The following BRINP2 variants were observed in gnomAD, a reference collection of about 807,000 sequenced individuals.
BRINP2 encodes BMP/retinoic acid-inducible neural-specific protein 2.
A neutral mutation model predicts 69.2 loss-of-function variants in BRINP2; 21 were observed. That is an observed-to-expected ratio of 0.30 (90% CI 0.22 to 0.44). The LOEUF is 0.44. Among genes scored for constraint, BRINP2 ranks in the 20% least tolerant of loss-of-function variants. The probability of loss-of-function intolerance (pLI) is 1.00; values close to 1 mark genes in which losing one functional copy is unlikely to be tolerated. For synonymous variants in BRINP2, 380 were observed against 394.1 expected, an observed-to-expected ratio of 0.96 and a Z score of 0.42; for missense variants, 877 against 986.0, an observed-to-expected ratio of 0.89 and a Z score of 1.48.
At chr1:177,268,660 T>G (rs1651205806) in intron 4 of BRINP2, among the ~76,000 whole-genome samples, 1 of 152,196 alleles carries the variant, frequency 6.6e-6, no homozygotes, top group Non-Finnish European at 1.5e-5. Flanking sequence ...TCACTTTACA[T>G]TGAGGATGTT....
chr1:177,208,912 G>A (rs1310013779), intron 1 of BRINP2, among the ~76,000 whole-genome samples: 1 of 152,180 alleles, frequency 6.6e-6, no homozygotes, highest in Non-Finnish European at 1.5e-5. Flanking sequence ...ACGTGATCAG[G>A]CAAATGTACT....
At chr1:177,195,863 C>CA (rs1302011877) in intron 1 of BRINP2, among the ~76,000 whole-genome samples, 3 of 151,846 alleles carry the variant, frequency 2.0e-5, no homozygotes, top group East Asian at 1.9e-4. Flanking sequence ...AGGCCAAGAG[C>CA]AAAAAAACCT....
chr1:177,219,030 A>G (rs1332005437), intron 1 of BRINP2, among the ~76,000 whole-genome samples: 1 of 152,234 alleles, frequency 6.6e-6, no homozygotes, highest in African/African-American at 2.4e-5. Flanking sequence ...AATCTAAAGG[A>G]AGGAGAGTTA....
In BRINP2 at chr1:177,276,325, C is replaced by A. The variant is rs1412488318; in HGVS notation, c.903C>A (p.Pro301=). ...ATGACTGCTGGTGCAAGTGCAGCCCCACCTTCCCTGAATGCAACTGCCCTG... is the reference window on the plus strand; with the variant it reads ...ATGACTGCTGGTGCAAGTGCAGCCCAACCTTCCCTGAATGCAACTGCCCTG... ...KENDCWCKCS[P]TFPECNCPDA... is the part of the protein sequence containing the mutation. Residue 301 remains proline (P), a synonymous_variant, in exon 6 of 8, where the codon CCC becomes CCA. Transcript: ENST00000361539. 6.2e-7 allele frequency: 1 copy of A among 1,614,206 alleles called. No individual in the cohort carries two copies. Among genetic ancestry groups the A allele is most frequent in the Non-Finnish European group, 8.5e-7 (1 of 1,180,042 alleles).
At chr1:177,198,382 A>G (rs957700297) in intron 1 of BRINP2, among the ~76,000 whole-genome samples, 2 of 152,200 alleles carry the variant, frequency 1.3e-5, no homozygotes, top group African/African-American at 4.8e-5. Flanking sequence ...ACTTATTGCA[A>G]TGAGCATGTG....
chr1:177,212,249 T>C (rs1450810972), intron 1 of BRINP2, among the ~76,000 whole-genome samples: 1 of 152,098 alleles, frequency 6.6e-6, no homozygotes, highest in African/African-American at 2.4e-5. Flanking sequence ...ATTTTTAGGG[T>C]ATTTAAAACA....
chr1:177,195,093 G>GT (rs1648704148), intron 1 of BRINP2, among the ~76,000 whole-genome samples: 1 of 152,064 alleles, frequency 6.6e-6, no homozygotes, highest in African/African-American at 2.4e-5. Context: ...ACAGCCCAGA[G>GT]TTTTTTCTAA....
chr1:177,172,283 G>A (rs1257280819), intron 1 of BRINP2, among the ~76,000 whole-genome samples: 1 of 152,216 alleles, frequency 6.6e-6, no homozygotes, highest in Admixed American at 6.5e-5. Flanking sequence ...TCTCCCCAGG[G>A]TGGTGGCAGA....
chr1:177,257,317 A>C lies in BRINP2; in HGVS notation c.602A>C (p.Tyr201Ser), dbSNP rs1403509294. ...ACCCTGCACCAGCTGGCCGCCTCCT[A>C]CTTCATCGACAGAGAGAGCACGCTG... ...LETLHQLAAS[Y>S]FIDRESTLRR... Residue 201 changes from tyrosine (Y) to serine (S), a missense_variant, in exon 4 of 8, where the codon TAC becomes TCC. Around this residue, in one of 3 missense-constraint regions of BRINP2, gnomAD observed 566 missense variants for 625.2 expected, o/e 0.91. Transcript: ENST00000361539. 6.2e-7 allele frequency: 1 copy of C among 1,614,042 alleles called. No homozygotes were observed. Among genetic ancestry groups the C allele is most frequent in the African/African-American group, 1.3e-5 (1 of 74,988 alleles).
chr1:177,256,212 T>C (rs1332495562), intron 3 of BRINP2, 103 bp downstream of exon 3: 7 of 1,443,182 alleles, frequency 4.9e-6, no homozygotes, highest in African/African-American at 4.3e-5. Flanking sequence ...CTTCCGGGCC[T>C]TTTATTGCCT....
At chr1:177,192,555 G>A (rs1409534391) in intron 1 of BRINP2, among the ~76,000 whole-genome samples, 1 of 152,064 alleles carries the variant, frequency 6.6e-6, no homozygotes, top group Non-Finnish European at 1.5e-5. Flanking sequence ...TTTGTGGGAG[G>A]AAATGAGCCC....
At chr1:177,180,600 C>A (rs1264352159) in intron 1 of BRINP2, among the ~76,000 whole-genome samples, 1 of 152,108 alleles carries the variant, frequency 6.6e-6, no homozygotes, top group African/African-American at 2.4e-5. Context: ...CATCAATAAA[C>A]CCTTACCTAA....
chr1:177,211,056 C>T (rs944271780), intron 1 of BRINP2, among the ~76,000 whole-genome samples: 1 of 150,854 alleles, frequency 6.6e-6, no homozygotes, highest in African/African-American at 2.4e-5. Context: ...TATTGCACCA[C>T]CCTGGATACA....
At chr1:177,203,911 A>C (rs1648993972) in intron 1 of BRINP2, among the ~76,000 whole-genome samples, 1 of 152,198 alleles carries the variant, frequency 6.6e-6, no homozygotes, top group African/African-American at 2.4e-5. Context: ...ACCCTGACAG[A>C]GAGATTCAAG....
At chr1:177,236,911 G>T (rs1650044963) in intron 2 of BRINP2, among the ~76,000 whole-genome samples, 1 of 149,520 alleles carries the variant, frequency 6.7e-6, no homozygotes, top group Non-Finnish European at 1.5e-5. Context: ...TTCTTCCAGG[G>T]TGCAACTAAA....
At position 177,278,797 on chromosome 1, in the gene BRINP2, C is replaced by G. The variant is rs756759919; in HGVS notation, c.1235+12C>G. The G allele has an allele frequency of 1.4e-5, 22 of 1,612,774 alleles. No individual in the cohort carries two copies. The Admixed American group carries it at 3.3e-4, about 24-fold the overall frequency. On this transcript the variant is annotated intron_variant, in intron 7 of 7. Transcript: ENST00000361539. ...CTGCCCAAGGAGAGGTGAGCACCCC[C>G]TGGCTGCTACAGCCAGAGCTCAGCA...
chr1:177,212,273 C>T (rs750178789), intron 1 of BRINP2, among the ~76,000 whole-genome samples: 19 of 152,228 alleles, frequency 1.2e-4, no homozygotes, highest in Middle Eastern at 3.4e-3. Flanking sequence ...AGGCCAGGCG[C>T]GGTGGCTCAC....
rs1232985099 is a variant in BRINP2, at chr1:177,211,709, G to A, written c.-76-18092G>A. On this transcript the variant is annotated intron_variant, in intron 1 of 7. Transcript: ENST00000361539. Reference sequence around the variant, plus strand: ...CAGCTGGCACATGATTTTTATTTGGGTTATTACTGGTGGTATTAACTGACC... The same window carrying A: ...CAGCTGGCACATGATTTTTATTTGGATTATTACTGGTGGTATTAACTGACC... Among the ~76,000 whole-genome samples, 4 of 151,992 alleles carry A rather than the reference G, an allele frequency of 2.6e-5. No individual in the cohort carries two copies. The East Asian group carries it at 7.7e-4, about 29-fold the overall frequency.
At chr1:177,198,261 T>A (rs146460328) in intron 1 of BRINP2, among the ~76,000 whole-genome samples, 1 of 152,332 alleles carries the variant, frequency 6.6e-6, no homozygotes, top group African/African-American at 2.4e-5. Context: ...ATGGAGAAAG[T>A]TGCATGTCTT....
Sources: gnomAD v4.1 joint callset for allele counts (sites outside exome capture counted in the v4.1 genomes callset) on GRCh38, gnomAD v4.1.1 for gene constraint, gnomAD v4.1.1 regional missense constraint, MANE v1.5 for transcripts, NCBI Gene and HGNC (gene_info 2026-07-23, HGNC 2026-07-21) for gene names.